The following PPP1R14C variants were observed in gnomAD, a reference collection of about 807,000 sequenced individuals.
PPP1R14C encodes the protein protein phosphatase 1 regulatory subunit 14C.
Under a neutral mutation model 20.4 loss-of-function variants are expected in PPP1R14C, and 16 were observed. The ratio of observed to expected loss-of-function variants is 0.78; its 90% CI spans 0.53 to 1.19. PPP1R14C has a LOEUF of 1.19. Among genes scored for constraint, PPP1R14C ranks in the 50% most tolerant of loss-of-function variants. The pLI is 0.00. For missense variants in PPP1R14C, 211 were observed against 220.1 expected (o/e 0.96, Z 0.26); for synonymous variants, 91 against 91.0 (o/e 1.00, Z 0.00).
intron 3 of PPP1R14C, among the ~76,000 whole-genome samples, chr6:150,242,473 TA>T (rs1436395734): frequency 1.3e-5 from 2 of 152,230 alleles, no homozygotes; most frequent in East Asian, 3.8e-4. Context: ...AAAACCCCTC[TA>T]ATCATGTCAG....
At position 150,214,752 on chromosome 6, in the gene PPP1R14C, A is replaced by G. The variant is rs1048087410; in HGVS notation, c.315A>G (p.Glu105=). The G allele has an allele frequency of 3.1e-6, 5 of 1,612,992 alleles. No individual in the cohort carries two copies. Among genetic ancestry groups the G allele is most frequent in the African/African-American group, 2.7e-5 (2 of 74,886 alleles). Residue 105 remains glutamate (E), a synonymous_variant, in exon 2 of 4, where the codon GAA becomes GAG. Coordinates refer to ENST00000361131, the MANE Select transcript of PPP1R14C (RefSeq NM_030949.3). Reference sequence around the variant, plus strand: ...CTCCCACTGCCCCCCAGGAAGAAGAAATGCCAGAGGTAGAAATTGACATTG... The same window carrying G: ...CTCCCACTGCCCCCCAGGAAGAAGAGATGCCAGAGGTAGAAATTGACATTG... ...LGQLYGCEEE[E]MPEVEIDIDD... is the part of the protein sequence containing the mutation.
chr6:150,162,467 C>T (rs1251902689), intron 1 of PPP1R14C, among the ~76,000 whole-genome samples: 6 of 152,220 alleles, frequency 3.9e-5, no homozygotes, highest in African/African-American at 1.4e-4. Context: ...TTCAGACTAA[C>T]TTCTTTCACT....
intron 3 of PPP1R14C, among the ~76,000 whole-genome samples, chr6:150,219,917 G>T (rs147220148): frequency 0.011 from 1,641 of 152,114 alleles, 21 homozygotes; most frequent in Non-Finnish European, 0.019. Context: ...GTGCAGTGGC[G>T]CCATGTAGGC....
At chr6:150,234,077 T>C (rs1309831554) in intron 3 of PPP1R14C, among the ~76,000 whole-genome samples, 1 of 152,150 alleles carries the variant, frequency 6.6e-6, no homozygotes, top group African/African-American at 2.4e-5. Flanking sequence ...GAGTCTATTT[T>C]TTTTCCCCAA....
intron 2 of PPP1R14C, 95 bp downstream of exon 2, chr6:150,214,922 G>C: frequency 1.2e-6 from 1 of 859,092 alleles, no homozygotes; most frequent in Admixed American, 2.2e-5. Context: ...TCCGCCCTGT[G>C]GTGGTGTTGG....
At chr6:150,228,691 G>C (rs953013551) in intron 3 of PPP1R14C, among the ~76,000 whole-genome samples, 12 of 152,050 alleles carry the variant, frequency 7.9e-5, no homozygotes, top group African/African-American at 2.9e-4. Flanking sequence ...CGTACCCCAA[G>C]TATACGAAGA....
At chr6:150,233,670 C>T (rs1455653907) in intron 3 of PPP1R14C, among the ~76,000 whole-genome samples, 2 of 152,290 alleles carry the variant, frequency 1.3e-5, no homozygotes, top group Non-Finnish European at 2.9e-5. Flanking sequence ...TAATCAGTAA[C>T]CAGTGTGGGA....
At chr6:150,245,861 ATTT>A (rs1035969819) in intron 3 of PPP1R14C, among the ~76,000 whole-genome samples, 1 of 152,224 alleles carries the variant, frequency 6.6e-6, no homozygotes, top group East Asian at 1.9e-4. Context: ...TGGTCTTGCT[ATTT>A]TTTAACTTAC....
At position 150,168,209 on chromosome 6, in the gene PPP1R14C, A is replaced by G. The variant is rs116240329; in HGVS notation, c.306+24711A>G. ...ACATATATGCAGTGAGTTGCTGGTG[A>G]AAGTTTAACAACTGGCTCTCATGGG... is the stretch of plus-strand genomic sequence containing the variant. On this transcript the variant is annotated intron_variant, in intron 1 of 3. Transcript: ENST00000361131. 9.9e-3 allele frequency among the ~76,000 whole-genome samples: 1,255 copies of G among 126,662 alleles called. 26 individuals carry two copies. Among genetic ancestry groups the G allele is most frequent in the African/African-American group, 0.037 (1,188 of 32,458 alleles). The allele number at this position is 126,662 out of a possible 152,430, so 83.1% of individuals were successfully genotyped here. A position where few individuals can be genotyped will look rare whatever the true frequency, so the allele number is the denominator to read the frequency against.
intron 1 of PPP1R14C, among the ~76,000 whole-genome samples, chr6:150,170,469 C>T (rs1777484588): frequency 6.6e-6 from 1 of 152,086 alleles, no homozygotes; most frequent in Admixed American, 6.6e-5. Context: ...CTACAGGCGA[C>T]TGCCACCATG....
intron 1 of PPP1R14C, among the ~76,000 whole-genome samples, chr6:150,150,515 C>T (rs1307786469): frequency 6.6e-6 from 1 of 152,154 alleles, no homozygotes; most frequent in Non-Finnish European, 1.5e-5. Flanking sequence ...AGCCCCTGGT[C>T]TCCCTCGCCT....
intron 1 of PPP1R14C, among the ~76,000 whole-genome samples, chr6:150,212,294 A>G (rs1322267206): frequency 6.6e-6 from 1 of 152,180 alleles, no homozygotes; most frequent in Non-Finnish European, 1.5e-5. Context: ...TTTCATTTTA[A>G]TGTATTCAAA....
At chr6:150,236,612 A>AGTGTGTGTGTGTGTGTGTGTGTGT (rs1778363289) in intron 3 of PPP1R14C, among the ~76,000 whole-genome samples, 2 of 76,066 alleles carry the variant, frequency 2.6e-5, no homozygotes, top group African/African-American at 1.8e-4. Context: ...GGTTGGTGCC[A>AGTGTGTGTGTGTGTGTGTGTGTGT]CTGTGTGTGT....
intron 1 of PPP1R14C, among the ~76,000 whole-genome samples, chr6:150,166,043 CCATGTGTCA>C (rs1777418201): frequency 6.6e-6 from 1 of 151,700 alleles, no homozygotes; most frequent in South Asian, 2.1e-4. Flanking sequence ...GTGCCATATA[CCATGTGTCA>C]CATGCCACAT....
chr6:150,198,541 CCTGG>C (rs1777837990), intron 1 of PPP1R14C, among the ~76,000 whole-genome samples: 1 of 152,216 alleles, frequency 6.6e-6, no homozygotes, highest in Non-Finnish European at 1.5e-5. Context: ...TGGGTTAAGA[CCTGG>C]ATGATTACAA....
At chr6:150,240,668 T>C (rs954380040) in intron 3 of PPP1R14C, among the ~76,000 whole-genome samples, 33 of 152,346 alleles carry the variant, frequency 2.2e-4, no homozygotes, top group African/African-American at 7.9e-4. Context: ...CTTTCCATTT[T>C]TCATCTGCAA....
At chr6:150,194,189 C>T (rs1777777179) in intron 1 of PPP1R14C, among the ~76,000 whole-genome samples, 1 of 152,192 alleles carries the variant, frequency 6.6e-6, no homozygotes, top group Admixed American at 6.5e-5. Context: ...TTTATGAATA[C>T]CCAGTCTCGG....
chr6:150,185,072 C>A lies in PPP1R14C; in HGVS notation c.307-29672C>A, dbSNP rs1777662311. 6.6e-6 allele frequency among the ~76,000 whole-genome samples: 1 copy of A among 152,186 alleles called. No individual in the cohort carries two copies. The highest frequency in any genetic ancestry group is 1.9e-4 in the East Asian group (1 of 5,192). On this transcript the variant is annotated intron_variant, in intron 1 of 3. Transcript: ENST00000361131. The surrounding 1 kb of genome is among the most constrained non-coding windows in gnomAD (Gnocchi z 4.1). ...CACATTTAGTTACAGGTCTTTCCCC[C>A]TTTTAATTTCCGGCTGTTATTAACT...
chr6:150,234,358 A>T (rs1407737937), intron 3 of PPP1R14C, among the ~76,000 whole-genome samples: 1 of 152,212 alleles, frequency 6.6e-6, no homozygotes, highest in Non-Finnish European at 1.5e-5. Flanking sequence ...GAGCATACAC[A>T]TTCCACAACT....
Sources: allele counts gnomAD v4.1 joint callset (sites outside exome capture counted in the v4.1 genomes callset), GRCh38; gene constraint gnomAD v4.1.1; non-coding constraint Gnocchi (gnomAD v3.1); transcripts MANE v1.5; gene names NCBI Gene and HGNC (gene_info 2026-07-23, HGNC 2026-07-21).